The following PPP6R3 variants were observed in gnomAD, a reference collection of about 807,000 sequenced individuals.
The protein encoded by PPP6R3 is protein phosphatase 6 regulatory subunit 3.
A neutral mutation model predicts 110.7 loss-of-function variants in PPP6R3; 38 were observed. The observed-to-expected ratio is 0.34, with a 90% confidence interval of 0.26 to 0.45. The LOEUF (loss-of-function observed/expected upper bound fraction) is 0.45, where lower values mean the gene tolerates loss of function less well. PPP6R3 is among the 20% of genes least tolerant of loss of function. The pLI is 1.00. For synonymous variants in PPP6R3, 369 were observed against 373.5 expected, an observed-to-expected ratio of 0.99 and a Z score of 0.14; for missense variants, 870 against 1,062.4, an observed-to-expected ratio of 0.82 and a Z score of 2.52.
intron 14 of PPP6R3, among the ~76,000 whole-genome samples, chr11:68,582,056 G>C (rs1329039761): frequency 6.6e-6 from 1 of 152,174 alleles, no homozygotes. Context: ...AACCAGTGTT[G>C]GAACAACTTC....
chr11:68,569,896 A>T lies in PPP6R3; in HGVS notation c.1277A>T (p.His426Leu). 1 of 1,605,550 alleles carries T rather than the reference A, an allele frequency of 6.2e-7. No individual in the cohort carries two copies. The highest frequency in any genetic ancestry group is 8.5e-7 in the Non-Finnish European group (1 of 1,174,514). Residue 426 changes from histidine (H) to leucine (L), a missense_variant and splice_region_variant, in exon 11 of 24, where the codon CAT (histidine) becomes CTT (leucine). Physicochemically the swap from His to Leu is moderately conservative, Grantham distance 99 (BLOSUM62 -3). Coordinates refer to ENST00000393800, the MANE Select transcript of PPP6R3 (RefSeq NM_001164161.2). The stretch of plus-strand genomic sequence containing the variant: ...ACTGGTGATAATTTGTTATTAAAAC[A>T]TGTAAGCTTATTTGGTCTCGTTTTT... ...DSTGDNLLLK[H>L]LFQKCQLIER...
chr11:68,491,842 C>T (rs924987185), intron 1 of PPP6R3, among the ~76,000 whole-genome samples: 1 of 151,978 alleles, frequency 6.6e-6, no homozygotes, highest in Non-Finnish European at 1.5e-5. Context: ...ACATAAGTTA[C>T]AGTAACACTA....
chr11:68,579,007 C>T (rs1308788860), intron 14 of PPP6R3, among the ~76,000 whole-genome samples: 1 of 152,104 alleles, frequency 6.6e-6, no homozygotes, highest in Non-Finnish European at 1.5e-5. Context: ...TCATTTTTTG[C>T]CCTCTTCCCC....
At chr11:68,549,742 A>G (rs1280244860) in intron 5 of PPP6R3, among the ~76,000 whole-genome samples, 1 of 152,214 alleles carries the variant, frequency 6.6e-6, no homozygotes, top group Non-Finnish European at 1.5e-5. Flanking sequence ...GTTCAAGTTT[A>G]GGACCTGTCT....
chr11:68,585,495 T>C (rs1424290914), intron 15 of PPP6R3, among the ~76,000 whole-genome samples: 2 of 152,226 alleles, frequency 1.3e-5, no homozygotes, highest in Non-Finnish European at 2.9e-5. Context: ...TAGGAAAGTG[T>C]GCTTTTTAAA....
intron 8 of PPP6R3, 144 bp downstream of exon 8, chr11:68,558,823 A>G: frequency 1.6e-6 from 1 of 616,720 alleles, no homozygotes; most frequent in Non-Finnish European, 2.8e-6. Context: ...CCATAGCCTA[A>G]TTTTATATGA....
At chr11:68,610,597 T>C (rs145888225) in intron 23 of PPP6R3, among the ~76,000 whole-genome samples, 30 of 152,324 alleles carry the variant, frequency 2.0e-4, no homozygotes, top group Non-Finnish European at 2.8e-4. Context: ...TAGTCACTTT[T>C]TGCTTAGCCT....
At chr11:68,517,113 T>C (rs1322387275) in intron 1 of PPP6R3, among the ~76,000 whole-genome samples, 1 of 151,876 alleles carries the variant, frequency 6.6e-6, no homozygotes, top group African/African-American at 2.4e-5. Flanking sequence ...TTCTTTCTTT[T>C]TTTTTTTTTA....
At chr11:68,508,811 AG>A (rs2099092655) in intron 1 of PPP6R3, among the ~76,000 whole-genome samples, 12 of 151,734 alleles carry the variant, frequency 7.9e-5, no homozygotes, top group Admixed American at 7.9e-4. Context: ...GTTGTGTGAC[AG>A]GGTTAGGTTG....
chr11:68,586,950 C>G (rs372617272), intron 15 of PPP6R3: 46 of 152,454 alleles, frequency 3.0e-4, no homozygotes, highest in African/African-American at 1.1e-3. Context: ...CAGCCGCCTC[C>G]CTGCCCCTCA....
intron 18 of PPP6R3, among the ~76,000 whole-genome samples, chr11:68,593,419 T>G (rs2513277): frequency 0.38 from 57,684 of 152,018 alleles, 12,135 homozygotes; most frequent in African/African-American, 0.55. Context: ...ACACTACAGT[T>G]TGTTTATTCA....
chr11:68,554,904 C>T (rs955041808), intron 7 of PPP6R3, among the ~76,000 whole-genome samples: 14 of 152,208 alleles, frequency 9.2e-5, no homozygotes, highest in Admixed American at 7.8e-4. Context: ...AATCTTGCTT[C>T]GGTTTACTTC....
At chr11:68,565,697 T>C (rs929850272) in intron 9 of PPP6R3, among the ~76,000 whole-genome samples, 3 of 151,994 alleles carry the variant, frequency 2.0e-5, no homozygotes, top group Non-Finnish European at 1.5e-5. Context: ...GATTCAAAAG[T>C]AAGGCAGTGT....
intron 10 of PPP6R3, 123 bp downstream of exon 10, chr11:68,567,289 G>GT: frequency 9.3e-7 from 1 of 1,075,696 alleles, no homozygotes; most frequent in South Asian, 2.3e-5. Flanking sequence ...AGCATAAATG[G>GT]TGTTTTATGT....
At chr11:68,597,248 C>T (rs1463069311) in intron 19 of PPP6R3, among the ~76,000 whole-genome samples, 2 of 152,132 alleles carry the variant, frequency 1.3e-5, no homozygotes, top group East Asian at 1.9e-4. Flanking sequence ...TCCATTAGGC[C>T]TCTTTGTAGA....
rs1471555256 is a variant in PPP6R3, at chr11:68,567,117, G to A, written c.1079G>A (p.Ser360Asn). Residue 360 changes from serine (S) to asparagine (N), a missense_variant, in exon 10 of 24, where the codon AGC (serine) becomes AAC (asparagine). Physicochemically the swap from Ser to Asn is conservative, Grantham distance 46. Transcript: ENST00000393800. ...LISSLLQTNT[S>N]SINGDLMELN... ...TCCAGCCTGCTTCAAACCAATACCA[G>A]CAGTATAAATGGGGACCTTATGGAG... 1 of 1,551,332 alleles carries A rather than the reference G, an allele frequency of 6.4e-7. No individual in the cohort carries two copies. The highest frequency in any genetic ancestry group is 8.7e-7 in the Non-Finnish European group (1 of 1,146,826).
intron 8 of PPP6R3, among the ~76,000 whole-genome samples, chr11:68,559,913 C>T (rs1309414614): frequency 1.4e-4 from 18 of 128,420 alleles, no homozygotes; most frequent in African/African-American, 4.4e-4. Flanking sequence ...CCCACCCCAG[C>T]GGTACGGTGC....
intron 1 of PPP6R3, among the ~76,000 whole-genome samples, chr11:68,477,751 T>C (rs1175584196): frequency 7.5e-6 from 1 of 134,002 alleles, no homozygotes; most frequent in Admixed American, 7.5e-5. Context: ...AATATATATA[T>C]ATATATATAT....
Position 68,554,157 on chromosome 11 carries a change from G to A in PPP6R3, c.631G>A (p.Ala211Thr). The A allele has an allele frequency of 6.2e-7, 1 of 1,610,532 alleles. No homozygotes were observed. Among genetic ancestry groups the A allele is most frequent in the Non-Finnish European group, 8.5e-7 (1 of 1,178,220 alleles). The change falls in exon 7 of 24, where the codon GCA becomes ACA. Residue 211 changes from alanine to threonine, a missense_variant. Ala to Thr is a moderately conservative substitution (Grantham distance 58, BLOSUM62 0). Coordinates refer to ENST00000393800, the MANE Select transcript of PPP6R3 (RefSeq NM_001164161.2). ...PSQEEDRHSNASQSLCEIVRL... is the reference protein window; with the variant it reads ...PSQEEDRHSNTSQSLCEIVRL... ...TTTTTTCCTTTAGCGACATTCAAAT[G>A]CATCACAATCACTTTGTGAAATTGT...
Sources: gnomAD v4.1 joint callset for allele counts (sites outside exome capture counted in the v4.1 genomes callset) on GRCh38, gnomAD v4.1.1 for gene constraint, MANE v1.5 for transcripts, NCBI Gene and HGNC (gene_info 2026-07-23, HGNC 2026-07-21) for gene names.